CLPB: variants seen among roughly 807,000 people sequenced by gnomAD.
CLPB encodes mitochondrial disaggregase.
In CLPB, 40 loss-of-function variants were observed where a neutral mutation model predicts 78.4. The ratio of observed to expected loss-of-function variants is 0.51; its 90% CI spans 0.40 to 0.66. The LOEUF (loss-of-function observed/expected upper bound fraction) is 0.66, where lower values mean the gene tolerates loss of function less well. Among genes scored for constraint, CLPB ranks in the 30% least tolerant of loss-of-function variants. The probability of loss-of-function intolerance (pLI) is 0.00; values close to 1 mark genes in which losing one functional copy is unlikely to be tolerated. For missense variants in CLPB, 780 were observed against 886.9 expected (o/e 0.88, Z 1.53); for synonymous variants, 333 against 348.0 (o/e 0.96, Z 0.48).
chr11:72,422,478 A>G (rs1338932992), intron 2 of CLPB, among the ~76,000 whole-genome samples: 1 of 152,160 alleles, frequency 6.6e-6, no homozygotes, highest in Admixed American at 6.5e-5. Flanking sequence ...TGCCTTTCCA[A>G]CATTCTGGAA....
intron 4 of CLPB, among the ~76,000 whole-genome samples, chr11:72,365,068 C>T (rs1950917311): frequency 6.6e-6 from 1 of 152,076 alleles, no homozygotes; most frequent in South Asian, 2.1e-4. Context: ...ACCTGTAATC[C>T]CAGCACTCTG....
intron 11 of CLPB, among the ~76,000 whole-genome samples, chr11:72,298,128 T>G (rs1949589775): frequency 6.6e-6 from 1 of 152,140 alleles, no homozygotes; most frequent in Admixed American, 6.5e-5. Context: ...CTGGGCTCTC[T>G]GGGGACTAGT....
chr11:72,393,013 T>C (rs1012243448), intron 3 of CLPB, among the ~76,000 whole-genome samples: 13 of 152,152 alleles, frequency 8.5e-5, no homozygotes, highest in African/African-American at 3.1e-4. Context: ...CTGTTTGAGA[T>C]AGACAAGGGT....
rs771701076 is a variant in CLPB, at chr11:72,318,105, A to T, written c.874-885T>A. Among the ~76,000 whole-genome samples, 2 of 152,264 alleles carry T rather than the reference A, an allele frequency of 1.3e-5. 1 individual carries two copies. The highest frequency in any genetic ancestry group is 2.9e-5 in the Non-Finnish European group (2 of 68,050). On this transcript the variant is annotated intron_variant, in intron 6 of 15. Transcript: ENST00000538039. ...CTACTTGAAAACAAGTTTGGTGAAT[A>T]TAAGTCTGTCCTCTAAATCAATTAT...
At chr11:72,294,744 G>A (rs1590753874) in intron 12 of CLPB, 51 bp from the exon 13 acceptor site, 1 of 1,510,472 alleles carries the variant, frequency 6.6e-7, no homozygotes, top group East Asian at 2.3e-5. Flanking sequence ...GGGAACTTTG[G>A]GGGCTGTGCC....
At chr11:72,416,523 G>A (rs1274997556) in intron 2 of CLPB, among the ~76,000 whole-genome samples, 2 of 151,946 alleles carry the variant, frequency 1.3e-5, no homozygotes, top group Admixed American at 6.6e-5. Flanking sequence ...ATCACCTGAG[G>A]TCAGGAGTTC....
chr11:72,351,847 A>C (rs1355595570), intron 5 of CLPB, among the ~76,000 whole-genome samples: 1 of 152,190 alleles, frequency 6.6e-6, no homozygotes, highest in African/African-American at 2.4e-5. Flanking sequence ...CTGGGATTAC[A>C]GGCAAGAGCC....
In CLPB at chr11:72,293,535, C is replaced by T. The variant is rs140281600; in HGVS notation, c.1866G>A (p.Thr622=). The change falls in exon 16 of 16, where the codon ACG becomes ACA. Residue 622 remains threonine (T), a synonymous_variant. Coordinates refer to ENST00000538039, the MANE Select transcript of CLPB (RefSeq NM_001258392.3). ...LLPGGCTLRI[T]VEDSDKQLLK... Reference sequence around the variant, plus strand: ...GTAGCTGCTTGTCTGAGTCCTCCACCGTGATGCGCAAAGTACAGCCCCCTG... The same window carrying T: ...GTAGCTGCTTGTCTGAGTCCTCCACTGTGATGCGCAAAGTACAGCCCCCTG... The T allele has an allele frequency of 1.3e-4, 209 of 1,614,102 alleles. 2 individuals carry two copies. The Admixed American group carries it at 2.7e-3, about 21-fold the overall frequency.
At chr11:72,421,452 G>A (rs1375050703) in intron 2 of CLPB, among the ~76,000 whole-genome samples, 4 of 152,228 alleles carry the variant, frequency 2.6e-5, no homozygotes, top group Non-Finnish European at 5.9e-5. Context: ...TCAGGAAGAT[G>A]TGACAGTGAT....
chr11:72,410,346 T>C (rs1440628024), intron 2 of CLPB, among the ~76,000 whole-genome samples: 2 of 152,150 alleles, frequency 1.3e-5, no homozygotes, highest in African/African-American at 4.8e-5. Context: ...ACATGATAGC[T>C]CCTGCTCTCT....
In CLPB at chr11:72,433,973, T is replaced by C; in HGVS notation, c.403+99A>G. The C allele has an allele frequency of 2.1e-6, 3 of 1,429,546 alleles. No individual in the cohort carries two copies. In the South Asian group the frequency reaches 3.9e-5, roughly 18 times the overall value. 88.6% of individuals were successfully genotyped at this position (1,429,546 alleles called of 1,614,324 possible). ...CTGAGTCCCTCCAAGACTTAGGCTC[T>C]AAGGATCTAAACCTATAAGTACCTC... On this transcript the variant is annotated intron_variant, in intron 1 of 15. Coordinates refer to ENST00000538039, the MANE Select transcript of CLPB (RefSeq NM_001258392.3).
chr11:72,433,348 A>AAGAGATCG (rs775109765), intron 1 of CLPB, among the ~76,000 whole-genome samples: 8 of 152,120 alleles, frequency 5.3e-5, no homozygotes, highest in Non-Finnish European at 1.0e-4. Context: ...TCAGGAGGTC[A>AAGAGATCG]AGAGATCGAG....
At chr11:72,351,927 A>G (rs1950620929) in intron 5 of CLPB, among the ~76,000 whole-genome samples, 1 of 152,108 alleles carries the variant, frequency 6.6e-6, no homozygotes, top group South Asian at 2.1e-4. Flanking sequence ...AAAAGCACAA[A>G]AAGTACATAA....
chr11:72,291,006 A>G lies in CLPB; in HGVS notation c.*2361T>C, dbSNP rs575264531. The stretch of plus-strand genomic sequence containing the variant: ...CACCCTCCGCTAGGAGGCACTAAGA[A>G]TAGCACAGTATCACTTCTGTGGTTG... On this transcript the variant is annotated 3_prime_UTR_variant, in exon 16 of 16. Transcript: ENST00000538039. 3 of 152,214 alleles carry G rather than the reference A, an allele frequency of 2.0e-5. No homozygotes were observed. Among genetic ancestry groups the G allele is most frequent in the African/African-American group, 7.2e-5 (3 of 41,560 alleles). 9.4% of individuals were successfully genotyped at this position (152,214 alleles called of 1,614,324 possible).
intron 2 of CLPB, among the ~76,000 whole-genome samples, chr11:72,429,442 A>G (rs563036219): frequency 6.6e-6 from 1 of 152,282 alleles, no homozygotes; most frequent in African/African-American, 2.4e-5. Context: ...GGGGAAGAAC[A>G]CCAAGGGCCT....
intron 3 of CLPB, 86 bp from the exon 4 acceptor site, chr11:72,380,470 TG>T: frequency 2.0e-6 from 2 of 999,244 alleles, no homozygotes; most frequent in Non-Finnish European, 3.1e-6. Context: ...GTTTGGGGAC[TG>T]GAGCTGTCTC....
chr11:72,398,290 G>A (rs563297366), intron 3 of CLPB, among the ~76,000 whole-genome samples: 30 of 152,310 alleles, frequency 2.0e-4, no homozygotes, highest in Admixed American at 1.8e-3. Context: ...CCATCTGAAG[G>A]AGCTTCCCCA....
chr11:72,427,491 A>T (rs1441880630), intron 2 of CLPB, among the ~76,000 whole-genome samples: 1 of 152,206 alleles, frequency 6.6e-6, no homozygotes, highest in Non-Finnish European at 1.5e-5. Flanking sequence ...AGGTGGTCTT[A>T]TAAGATTATA....
chr11:72,296,922 T>C (rs141588612), intron 11 of CLPB, among the ~76,000 whole-genome samples: 21 of 152,300 alleles, frequency 1.4e-4, no homozygotes, highest in Non-Finnish European at 2.2e-4. Context: ...TAGGATACAG[T>C]AGAGGCGAGA....
Sources: gnomAD v4.1 joint callset for allele counts (sites outside exome capture counted in the v4.1 genomes callset) on GRCh38, gnomAD v4.1.1 for gene constraint, MANE v1.5 for transcripts, NCBI Gene and HGNC (gene_info 2026-07-23, HGNC 2026-07-21) for gene names.